The following SYCP2 variants were observed in gnomAD, a reference collection of about 807,000 sequenced individuals.
SYCP2 encodes the protein synaptonemal complex lateral element protein.
SYCP2 carries 55 observed loss-of-function variants against 211.3 expected under a neutral mutation model. That is an observed-to-expected ratio of 0.26 (90% CI 0.21 to 0.33). SYCP2 has a LOEUF of 0.33. Ranked by LOEUF, SYCP2 falls within the 10% of genes least tolerant of loss-of-function variation. SYCP2 has a pLI of 1.00. For synonymous variants in SYCP2, 570 were observed against 555.2 expected, an observed-to-expected ratio of 1.03 and a Z score of -0.37; for missense variants, 1,731 against 1,752.0, an observed-to-expected ratio of 0.99 and a Z score of 0.21.
At chr20:59,932,751 G>A (rs913379221) in intron 1 of SYCP2, among the ~76,000 whole-genome samples, 2 of 152,164 alleles carry the variant, frequency 1.3e-5, no homozygotes, top group Non-Finnish European at 2.9e-5. Context: ...GTCCAGAAAA[G>A]GCCGCACGTG....
At chr20:59,919,702 A>G in intron 5 of SYCP2, 105 bp from the exon 6 acceptor site, 1 of 589,372 alleles carries the variant, frequency 1.7e-6, no homozygotes, top group African/African-American at 2.0e-5. Flanking sequence ...ACACATCAAA[A>G]TTAAAATTTT....
intron 39 of SYCP2, among the ~76,000 whole-genome samples, chr20:59,867,201 A>G (rs949829553): frequency 2.0e-5 from 3 of 149,646 alleles, no homozygotes; most frequent in Non-Finnish European, 4.4e-5. Context: ...TTCCAAATAG[A>G]GGCATGTGAA....
chr20:59,907,326 G>A, intron 15 of SYCP2, 38 bp downstream of exon 15: 1 of 1,337,710 alleles, frequency 7.5e-7, no homozygotes, highest in Non-Finnish European at 1.1e-6. Context: ...CATATGGTAA[G>A]AATTAAGAAA....
At position 59,915,494 on chromosome 20, in the gene SYCP2, T is replaced by C; in HGVS notation, c.570A>G (p.Ile190Met). ...LDKMPQDARK[I>M]LSNQEMLILM... ...GAATTAACATTTCTTGGTTAGAGAGTATTTTCCGGGCATCTTGAGGCATTT... is the reference window on the plus strand; with the variant it reads ...GAATTAACATTTCTTGGTTAGAGAGCATTTTCCGGGCATCTTGAGGCATTT... Residue 190 changes from isoleucine (I) to methionine (M), a missense_variant, in exon 9 of 45, where the codon ATA (isoleucine) becomes ATG (methionine). Transcript: ENST00000357552. The C allele has an allele frequency of 6.2e-7, 1 of 1,609,432 alleles. No individual in the cohort carries two copies. Among genetic ancestry groups the C allele is most frequent in the Non-Finnish European group, 8.5e-7 (1 of 1,176,144 alleles).
In SYCP2 at chr20:59,870,822, A is replaced by C. The variant is rs528658235; in HGVS notation, c.3556-839T>G. On this transcript the variant is annotated intron_variant, in intron 35 of 44. Transcript: ENST00000357552. ...ATGGTGCCTAATCCAGGCCCATGTGATCACCCAGCCTATGACTAAATTAAG... is the reference window on the plus strand; with the variant it reads ...ATGGTGCCTAATCCAGGCCCATGTGCTCACCCAGCCTATGACTAAATTAAG... 2.6e-5 allele frequency among the ~76,000 whole-genome samples: 4 copies of C among 151,912 alleles called. No homozygotes were observed. In the South Asian group the frequency reaches 8.3e-4, roughly 32 times the overall value.
In SYCP2 at chr20:59,930,626, T is replaced by C. The variant is rs1315808420; in HGVS notation, c.-47+1436A>G. 2.0e-5 allele frequency among the ~76,000 whole-genome samples: 3 copies of C among 152,214 alleles called. No homozygotes were observed. In the East Asian group the frequency reaches 5.8e-4, roughly 29 times the overall value. ...TAGTAGTAAGCAATCTATATTAATATATATGTAGATCTAGACATGAACTAC... is the reference window on the plus strand; with the variant it reads ...TAGTAGTAAGCAATCTATATTAATACATATGTAGATCTAGACATGAACTAC... On this transcript the variant is annotated intron_variant, in intron 2 of 44. Transcript: ENST00000357552.
At chr20:59,867,941 C>A in intron 38 of SYCP2, 94 bp from the exon 39 acceptor site, 3 of 859,472 alleles carry the variant, frequency 3.5e-6, no homozygotes, top group East Asian at 2.8e-5. Flanking sequence ...TCTTATTTTC[C>A]GAATCTATGT....
chr20:59,899,934 G>C (rs2060083058), intron 18 of SYCP2: 3 of 574,826 alleles, frequency 5.2e-6, no homozygotes, highest in Non-Finnish European at 9.2e-6. Flanking sequence ...AGTATGTCTT[G>C]TTCTAACCCC....
At chr20:59,926,668 C>G (rs1301416352) in intron 2 of SYCP2, among the ~76,000 whole-genome samples, 1 of 152,084 alleles carries the variant, frequency 6.6e-6, no homozygotes, top group East Asian at 1.9e-4. Context: ...GAACACAATT[C>G]AACCCATAAC....
In SYCP2 at chr20:59,873,944, C is replaced by G. The variant is rs2059504555; in HGVS notation, c.3467G>C (p.Gly1156Ala). Reference sequence around the variant, plus strand: ...GTTTTTGGGTGACTTTATTGTACCTCCAACTCCACTGTTACTATTTAAGGA... The same window carrying G: ...GTTTTTGGGTGACTTTATTGTACCTGCAACTCCACTGTTACTATTTAAGGA... The part of the protein sequence containing the change: ...LESLNSNSGV[G>A]GTIKSPKNNE... Residue 1156 changes from glycine (G) to alanine (A), a missense_variant, in exon 35 of 45, where the codon GGA becomes GCA. This residue lies in a region of SYCP2 where 1,387 missense variants were observed against 1,351.3 expected (regional missense o/e 1.03). Coordinates refer to ENST00000357552, the MANE Select transcript of SYCP2 (RefSeq NM_014258.4). 1 of 1,613,158 alleles carries G rather than the reference C, an allele frequency of 6.2e-7. No homozygotes were observed. The highest frequency in any genetic ancestry group is 1.3e-5 in the African/African-American group (1 of 74,862).
intron 4 of SYCP2, among the ~76,000 whole-genome samples, 154 bp downstream of exon 4, chr20:59,921,153 AAAC>A (rs2060534373): frequency 6.6e-6 from 1 of 151,682 alleles, no homozygotes; most frequent in South Asian, 2.1e-4. Flanking sequence ...TCAAACAAAC[AAAC>A]AATAATAAGC....
chr20:59,886,847 G>C lies in SYCP2; in HGVS notation c.2365-13C>G, dbSNP rs751993257. ...TTGACTTTTCTCTCTGAAAAAAATTGTAAGTTACTTTTAAACTCTACCAGT... is the reference window on the plus strand; with the variant it reads ...TTGACTTTTCTCTCTGAAAAAAATTCTAAGTTACTTTTAAACTCTACCAGT... On this transcript the variant is annotated splice_polypyrimidine_tract_variant and intron_variant, in intron 24 of 44. Coordinates refer to ENST00000357552, the MANE Select transcript of SYCP2 (RefSeq NM_014258.4). 2 of 1,557,160 alleles carry C rather than the reference G, an allele frequency of 1.3e-6. No homozygotes were observed. Among genetic ancestry groups the C allele is most frequent in the African/African-American group, 1.4e-5 (1 of 71,854 alleles).
chr20:59,889,271 A>G (rs548881754), intron 24 of SYCP2, among the ~76,000 whole-genome samples: 11 of 152,054 alleles, frequency 7.2e-5, no homozygotes, highest in South Asian at 2.1e-4. Flanking sequence ...TGACTCATCA[A>G]TTCTACCAAA....
In SYCP2 at chr20:59,919,164, C is replaced by A; in HGVS notation, c.421G>T (p.Asp141Tyr). 7.8e-7 allele frequency: 1 copy of A among 1,274,558 alleles called. No homozygotes were observed. The highest frequency in any genetic ancestry group is 1.1e-6 in the Non-Finnish European group (1 of 895,434). The allele number at this position is 1,274,558 out of a possible 1,614,324, so 79.0% of individuals were successfully genotyped here. The change falls in exon 7 of 45, where the codon GAT becomes TAT. Residue 141 changes from aspartate to tyrosine, a missense_variant. Around this residue, in one of 3 missense-constraint regions of SYCP2, gnomAD observed 335 missense variants for 378.8 expected, o/e 0.88. Transcript: ENST00000357552. ...DLLLVIHDVSDEGKKQVVESF... is the reference protein window; with the variant it reads ...DLLLVIHDVSYEGKKQVVESF... The stretch of plus-strand genomic sequence containing the variant: ...AAATAAGTGTTTATTATACCTTCAT[C>A]ACTGACATCATGTATGACCTGAAAA...
intron 31 of SYCP2, 84 bp downstream of exon 31, chr20:59,880,219 C>T: frequency 9.0e-7 from 1 of 1,109,542 alleles, no homozygotes; most frequent in South Asian, 1.5e-5. Flanking sequence ...AGTCTAAATA[C>T]AATAAGCTTA....
intron 24 of SYCP2, among the ~76,000 whole-genome samples, chr20:59,887,058 T>C (rs989441301): frequency 6.6e-6 from 1 of 152,120 alleles, no homozygotes; most frequent in Non-Finnish European, 1.5e-5. Context: ...ACATGCAGAT[T>C]TGTTACACAT....
At chr20:59,898,184 GAAA>G (rs1053504161) in intron 18 of SYCP2, among the ~76,000 whole-genome samples, 1 of 152,158 alleles carries the variant, frequency 6.6e-6, no homozygotes, top group Non-Finnish European at 1.5e-5. Context: ...TCTAGAACCA[GAAA>G]TACCATTTGA....
At chr20:59,900,100 G>T in intron 18 of SYCP2, 38 bp downstream of exon 18, 1 of 1,595,594 alleles carries the variant, frequency 6.3e-7, no homozygotes, top group Non-Finnish European at 8.6e-7. Context: ...TTTGATCAAT[G>T]GTAGTTTTAT....
chr20:59,883,442 G>C (rs1397193370), intron 26 of SYCP2, among the ~76,000 whole-genome samples: 2 of 152,048 alleles, frequency 1.3e-5, no homozygotes, highest in African/African-American at 2.4e-5. Context: ...AACAAAGTAA[G>C]TATTCACTGA....
Sources: allele counts gnomAD v4.1 joint callset (sites outside exome capture counted in the v4.1 genomes callset), GRCh38; gene constraint gnomAD v4.1.1; regional missense constraint gnomAD v4.1.1; transcripts MANE v1.5; gene names NCBI Gene and HGNC (gene_info 2026-07-23, HGNC 2026-07-21).